The following GPC4 variants were observed in gnomAD, a reference collection of about 807,000 sequenced individuals.
GPC4 encodes glypican 4.
GPC4 carries 10 observed loss-of-function variants against 35.0 expected under a neutral mutation model. That is an observed-to-expected ratio of 0.29 (90% CI 0.18 to 0.48). The LOEUF is 0.48. GPC4 is among the 20% of genes least tolerant of loss of function. The probability of loss-of-function intolerance (pLI) is 0.99; values close to 1 mark genes in which losing one functional copy is unlikely to be tolerated. For missense variants in GPC4, 322 were observed against 451.3 expected (o/e 0.71, Z 2.60); for synonymous variants, 167 against 170.2 (o/e 0.98, Z 0.15).
intron 2 of GPC4, among the ~76,000 whole-genome samples, chrX:133,330,628 T>C (rs1416542581): frequency 9.0e-6 from 1 of 111,308 alleles, no homozygotes; most frequent in East Asian, 2.8e-4. Flanking sequence ...ACTCAACTTA[T>C]GTTTATCAAT....
chrX:133,320,228 C>A (rs974691614), intron 3 of GPC4, among the ~76,000 whole-genome samples: 10 of 111,756 alleles, frequency 8.9e-5, no homozygotes, highest in Non-Finnish European at 9.4e-5. Context: ...TCACGGTCTT[C>A]CCATACAACT....
chrX:133,324,133 A>T lies in GPC4; in HGVS notation c.711+12T>A. 1 of 1,177,762 alleles carries T rather than the reference A, an allele frequency of 8.5e-7. No homozygotes were observed. The highest frequency in any genetic ancestry group is 1.1e-6 in the Non-Finnish European group (1 of 880,209). ...AAACAAAAACAAAACAGAGAAGACA[A>T]GGAGTACTTACCACGGAGACCTTGC... On this transcript the variant is annotated intron_variant, in intron 3 of 8. Coordinates refer to ENST00000370828, the MANE Select transcript of GPC4 (RefSeq NM_001448.3).
At chrX:133,329,901 A>G (rs1370960618) in intron 2 of GPC4, among the ~76,000 whole-genome samples, 1 of 111,855 alleles carries the variant, frequency 8.9e-6, no homozygotes, top group African/African-American at 3.3e-5. Flanking sequence ...GTCTTTTAAA[A>G]AAGAGAAGAA....
intron 1 of GPC4, among the ~76,000 whole-genome samples, chrX:133,341,215 C>T (rs976000968): frequency 9.0e-6 from 1 of 111,588 alleles, no homozygotes; most frequent in Non-Finnish European, 1.9e-5. Context: ...TCAGTTGTCT[C>T]CTGGTTTCAG....
At chrX:133,359,271 A>G (rs1255380579) in intron 1 of GPC4, among the ~76,000 whole-genome samples, 2 of 111,793 alleles carry the variant, frequency 1.8e-5, no homozygotes, top group Non-Finnish European at 3.8e-5. Flanking sequence ...ACAACCCTCA[A>G]GATGCCTGGA....
chrX:133,379,228 G>A (rs1000678326), intron 1 of GPC4, among the ~76,000 whole-genome samples: 3 of 112,447 alleles, frequency 2.7e-5, no homozygotes, highest in Non-Finnish European at 5.6e-5. Context: ...ATGAAATTAT[G>A]GTGTGTCCAT....
At chrX:133,357,657 C>T (rs953742948) in intron 1 of GPC4, among the ~76,000 whole-genome samples, 2 of 110,462 alleles carry the variant, frequency 1.8e-5, no homozygotes, top group African/African-American at 3.3e-5. Context: ...GATGATAGGC[C>T]CACGTCACCA....
At chrX:133,366,403 C>G (rs2068590389) in intron 1 of GPC4, among the ~76,000 whole-genome samples, 1 of 111,975 alleles carries the variant, frequency 8.9e-6, no homozygotes, top group Non-Finnish European at 1.9e-5. Flanking sequence ...AGGTTGGGCT[C>G]CACTACAGCC....
intron 2 of GPC4, among the ~76,000 whole-genome samples, chrX:133,334,059 C>T (rs985886922): frequency 7.1e-5 from 8 of 111,966 alleles, no homozygotes; most frequent in Non-Finnish European, 1.5e-4. Flanking sequence ...TAGTCAATGG[C>T]CATGAAGCTT....
intron 1 of GPC4, among the ~76,000 whole-genome samples, chrX:133,407,793 G>A (rs751561829): frequency 4.4e-5 from 5 of 112,433 alleles, no homozygotes; most frequent in Non-Finnish European, 9.4e-5. Context: ...CTTTTTCCCT[G>A]AAGCAGCCTC....
intron 3 of GPC4, among the ~76,000 whole-genome samples, chrX:133,321,172 T>G (rs1160985270): frequency 2.7e-5 from 3 of 112,485 alleles, no homozygotes; most frequent in Non-Finnish European, 5.6e-5. Flanking sequence ...CCATGGTTAA[T>G]TCTGAGAACG....
At chrX:133,408,269 GTTC>G (rs1390243034) in intron 1 of GPC4, among the ~76,000 whole-genome samples, 6 of 112,100 alleles carry the variant, frequency 5.4e-5, no homozygotes, top group African/African-American at 1.9e-4. Flanking sequence ...CAAAGCTTGT[GTTC>G]TTCTTGGTAA....
chrX:133,340,364 A>G (rs1394802409), intron 1 of GPC4, among the ~76,000 whole-genome samples: 4 of 111,343 alleles, frequency 3.6e-5, no homozygotes, highest in Non-Finnish European at 5.7e-5. Flanking sequence ...TCCAATATTA[A>G]TTGGTGTGGT....
At chrX:133,317,122 T>C (rs1167506305) in intron 3 of GPC4, among the ~76,000 whole-genome samples, 1 of 111,140 alleles carries the variant, frequency 9.0e-6, no homozygotes, top group Non-Finnish European at 1.9e-5. Context: ...TGACAATACA[T>C]TGATACCAAA....
intron 1 of GPC4, among the ~76,000 whole-genome samples, chrX:133,368,162 T>C (rs2068597925): frequency 8.9e-6 from 1 of 112,497 alleles, no homozygotes; most frequent in African/African-American, 3.2e-5. Flanking sequence ...TGAGATTCTT[T>C]TGAATAAAAT....
chrX:133,307,815 C>T (rs1393020790), intron 4 of GPC4, among the ~76,000 whole-genome samples: 15 of 111,975 alleles, frequency 1.3e-4, no homozygotes, highest in Non-Finnish European at 1.9e-5. Context: ...AACAACAAAA[C>T]CCAGTGCATT....
chrX:133,376,323 G>A (rs1228862933), intron 1 of GPC4, among the ~76,000 whole-genome samples: 1 of 112,088 alleles, frequency 8.9e-6, no homozygotes, highest in Non-Finnish European at 1.9e-5. Flanking sequence ...TGCTCTCTCT[G>A]TCCCCCAGCC....
intron 1 of GPC4, among the ~76,000 whole-genome samples, chrX:133,377,889 C>CTTT (rs774106053): frequency 1.4e-5 from 1 of 72,804 alleles, no homozygotes; most frequent in Non-Finnish European, 2.6e-5. Context: ...TTTTTTTTTT[C>CTTT]TTTTTTTTTT....
chrX:133,360,036 G>T (rs1185693331), intron 1 of GPC4, among the ~76,000 whole-genome samples: 1 of 109,529 alleles, frequency 9.1e-6, no homozygotes, highest in Non-Finnish European at 1.9e-5. Flanking sequence ...GGCCTATGCT[G>T]GGGGGGGAGA....
Sources: allele counts gnomAD v4.1 joint callset (sites outside exome capture counted in the v4.1 genomes callset), GRCh38; gene constraint gnomAD v4.1.1; transcripts MANE v1.5; gene names NCBI Gene and HGNC (gene_info 2026-07-23, HGNC 2026-07-21).